RAPGEF6: variants seen among roughly 807,000 people sequenced by gnomAD.
RAPGEF6 encodes the protein PDZ domain containing guanine nucleotide exchange factor (GEF) 2.
A neutral mutation model predicts 171.4 loss-of-function variants in RAPGEF6; 56 were observed. The ratio of observed to expected loss-of-function variants is 0.33; its 90% CI spans 0.26 to 0.41. The LOEUF is 0.41. Ranked by LOEUF, RAPGEF6 falls within the 10% of genes least tolerant of loss-of-function variation. The probability of loss-of-function intolerance (pLI) is 1.00; values close to 1 mark genes in which losing one functional copy is unlikely to be tolerated. For missense variants in RAPGEF6, 1,674 were observed against 1,921.4 expected (o/e 0.87, Z 2.41); for synonymous variants, 692 against 650.1 (o/e 1.06, Z -0.98).
intron 12 of RAPGEF6, among the ~76,000 whole-genome samples, chr5:131,497,158 C>A (rs1015099987): frequency 1.3e-5 from 2 of 152,124 alleles, no homozygotes; most frequent in Non-Finnish European, 2.9e-5. Context: ...TGCCTGTTGG[C>A]CATTTACATA....
intron 1 of RAPGEF6, among the ~76,000 whole-genome samples, chr5:131,630,789 C>G (rs761470192): frequency 5.3e-5 from 8 of 152,170 alleles, no homozygotes; most frequent in Non-Finnish European, 1.2e-4. Flanking sequence ...CCCAGAAACA[C>G]AAGGAGTTCT....
intron 1 of RAPGEF6, among the ~76,000 whole-genome samples, chr5:131,616,953 C>G (rs1026038711): frequency 1.3e-5 from 2 of 152,124 alleles, no homozygotes; most frequent in Non-Finnish European, 2.9e-5. Context: ...TTTCATTAAC[C>G]AAGATATTTT....
intron 20 of RAPGEF6, among the ~76,000 whole-genome samples, chr5:131,453,776 C>T (rs1561476908): frequency 6.6e-6 from 1 of 152,082 alleles, no homozygotes; most frequent in Non-Finnish European, 1.5e-5. Context: ...GTAAACAGCA[C>T]GTATAGATTG....
chr5:131,599,014 A>G (rs1229240801), intron 3 of RAPGEF6, among the ~76,000 whole-genome samples: 2 of 152,234 alleles, frequency 1.3e-5, no homozygotes, highest in African/African-American at 4.8e-5. Flanking sequence ...ATCAGATATC[A>G]AAACACACAG....
chr5:131,435,915 A>G (rs757001709), intron 24 of RAPGEF6: 2 of 1,493,182 alleles, frequency 1.3e-6, no homozygotes, highest in Non-Finnish European at 1.8e-6. Flanking sequence ...AATAACTGAA[A>G]ACAAACTTAA....
intron 5 of RAPGEF6, among the ~76,000 whole-genome samples, chr5:131,549,103 A>T (rs1214919124): frequency 1.3e-5 from 2 of 152,142 alleles, no homozygotes; most frequent in Non-Finnish European, 1.5e-5. Context: ...GGTGAGGAGG[A>T]ATATAGACCT....
At chr5:131,478,279 T>C (rs750856613) in intron 16 of RAPGEF6, among the ~76,000 whole-genome samples, 44 of 152,290 alleles carry the variant, frequency 2.9e-4, no homozygotes, top group Non-Finnish European at 5.3e-4. Flanking sequence ...ATAGCTATCA[T>C]TAAAGATGAG....
chr5:131,461,975 G>A lies in RAPGEF6; in HGVS notation c.2594C>T (p.Ala865Val). Residue 865 changes from alanine (A) to valine (V), a missense_variant, in exon 19 of 28, where the codon GCC becomes GTC. Physicochemically the swap from Ala to Val is moderately conservative, Grantham distance 64 (BLOSUM62 0). Transcript: ENST00000509018. ...AAAGTCCCTCATTGACAGCTGGGTG[G>A]CCACCTCAATGGTACTGAGCTGCAG... Reference protein sequence around the residue: ...SMLQLSTIEVATQLSMRDFDL... With the variant: ...SMLQLSTIEVVTQLSMRDFDL... 1 of 1,614,102 alleles carries A rather than the reference G, an allele frequency of 6.2e-7. No homozygotes were observed. Among genetic ancestry groups the A allele is most frequent in the African/African-American group, 1.3e-5 (1 of 75,026 alleles).
rs139433421 is a variant in RAPGEF6 at position 131,584,510 on chromosome 5, G to C, written c.281+7873C>G. Among the ~76,000 whole-genome samples, 181 of 152,280 alleles carry C rather than the reference G, an allele frequency of 1.2e-3. 2 individuals carry two copies. The East Asian group carries it at 0.028, about 23-fold the overall frequency. On this transcript the variant is annotated intron_variant, in intron 4 of 27. Transcript: ENST00000509018. ...AAAGCTAATGAAAGAAAGACCACCA[G>C]ATTACAAGGATGAGGAGCTGAATTC...
chr5:131,618,155 C>G (rs59195361), intron 1 of RAPGEF6, among the ~76,000 whole-genome samples: 11,307 of 152,136 alleles, frequency 0.074, 864 homozygotes, highest in African/African-American at 0.2. Context: ...GACATAGGAC[C>G]TGACTTTGAA....
chr5:131,604,639 T>A lies in RAPGEF6; in HGVS notation c.124A>T (p.Arg42Trp). ...GACACTTACCTAAGCTGATGTTCCC[T>A]GAGATTTGATAATATTTCCATTCCA... ...LHGMEILSNL[R>W]EHQLRLMSAR... Residue 42 changes from arginine to tryptophan, a missense_variant, in exon 2 of 28, where the codon AGG becomes TGG. This residue lies in a region of RAPGEF6 where 1,116 missense variants were observed against 1,321.5 expected (regional missense o/e 0.84). Transcript: ENST00000509018. 1 of 1,612,198 alleles carries A rather than the reference T, an allele frequency of 6.2e-7. No homozygotes were observed. The highest frequency in any genetic ancestry group is 8.5e-7 in the Non-Finnish European group (1 of 1,179,000).
intron 6 of RAPGEF6, among the ~76,000 whole-genome samples, chr5:131,544,002 TACC>T (rs1760335201): frequency 6.6e-6 from 1 of 152,130 alleles, no homozygotes; most frequent in African/African-American, 2.4e-5. Context: ...CAAAATGAGA[TACC>T]ACTACCTATT....
intron 21 of RAPGEF6, chr5:131,447,090 A>C: frequency 5.8e-6 from 1 of 172,976 alleles, no homozygotes; most frequent in South Asian, 1.4e-4. Flanking sequence ...CGAATCTCTG[A>C]ACCAGGGTTC....
chr5:131,550,977 AT>A (rs554048905), intron 5 of RAPGEF6, among the ~76,000 whole-genome samples: 61 of 152,352 alleles, frequency 4.0e-4, no homozygotes, highest in Middle Eastern at 3.4e-3. Flanking sequence ...CAGGAACCGT[AT>A]TATGTAATAT....
chr5:131,480,927 G>A (rs1485291272), intron 15 of RAPGEF6, among the ~76,000 whole-genome samples: 1 of 148,882 alleles, frequency 6.7e-6, no homozygotes, highest in Non-Finnish European at 1.5e-5. Flanking sequence ...CTTAGATACT[G>A]CTTTTTTTTT....
chr5:131,534,712 A>C (rs1158608195), intron 6 of RAPGEF6, among the ~76,000 whole-genome samples: 1 of 151,770 alleles, frequency 6.6e-6, no homozygotes, highest in African/African-American at 2.4e-5. Context: ...TCATTCTTTA[A>C]AACAGAAAAA....
intron 17 of RAPGEF6, among the ~76,000 whole-genome samples, chr5:131,471,059 T>TA (rs1373526688): frequency 1.3e-4 from 20 of 152,242 alleles, no homozygotes; most frequent in African/African-American, 4.8e-4. Context: ...GTGCTTCCTT[T>TA]ACCCTTTCCG....
intron 14 of RAPGEF6, among the ~76,000 whole-genome samples, chr5:131,491,156 T>TA (rs1205446453): frequency 6.6e-6 from 1 of 152,212 alleles, no homozygotes; most frequent in Non-Finnish European, 1.5e-5. Context: ...TAGACATTCC[T>TA]AATGAGTAGT....
intron 23 of RAPGEF6, among the ~76,000 whole-genome samples, chr5:131,441,678 A>T (rs1266021319): frequency 6.6e-6 from 1 of 152,206 alleles, no homozygotes; most frequent in African/African-American, 2.4e-5. Flanking sequence ...AAATCTGGTC[A>T]AGGAGGGGGA....
Sources: gnomAD v4.1 joint callset for allele counts (sites outside exome capture counted in the v4.1 genomes callset) on GRCh38, gnomAD v4.1.1 for gene constraint, gnomAD v4.1.1 regional missense constraint, MANE v1.5 for transcripts, NCBI Gene and HGNC (gene_info 2026-07-23, HGNC 2026-07-21) for gene names.